The following RBFOX1 variants were observed in gnomAD, a reference collection of about 807,000 sequenced individuals.
RBFOX1 encodes RNA binding protein fox-1 homolog 1.
A neutral mutation model predicts 57.7 loss-of-function variants in RBFOX1; 8 were observed. The ratio of observed to expected loss-of-function variants is 0.14; its 90% CI spans 0.08 to 0.25. The LOEUF (loss-of-function observed/expected upper bound fraction) is 0.25, where lower values mean the gene tolerates loss of function less well. RBFOX1 is among the 10% of genes least tolerant of loss of function. RBFOX1 has a pLI of 1.00. For missense variants in RBFOX1, 611 were observed against 548.5 expected, an observed-to-expected ratio of 1.11 and a Z score of -1.14; for synonymous variants, 326 against 222.4, an observed-to-expected ratio of 1.47 and a Z score of -4.15.
chr16:5,901,933 C>G (rs548571559), intron 4 of RBFOX1, among the ~76,000 whole-genome samples: 27 of 152,288 alleles, frequency 1.8e-4, no homozygotes, highest in African/African-American at 6.5e-4. Flanking sequence ...TGGTTCTCCA[C>G]CTAGAAGCGA....
At chr16:6,106,579 G>C (rs1358244141) in intron 1 of RBFOX1, among the ~76,000 whole-genome samples, 1 of 151,978 alleles carries the variant, frequency 6.6e-6, no homozygotes, top group East Asian at 1.9e-4. Flanking sequence ...CTTTCGTTCA[G>C]AAAGACTTTA....
intron 3 of RBFOX1, among the ~76,000 whole-genome samples, chr16:5,774,897 G>A (rs1458446141): frequency 6.6e-6 from 1 of 152,060 alleles, no homozygotes; most frequent in Non-Finnish European, 1.5e-5. Flanking sequence ...TGGCCAGGCT[G>A]GTCTCGAACT....
intron 3 of RBFOX1, among the ~76,000 whole-genome samples, chr16:6,762,363 AC>A (rs539775372): frequency 1.6e-4 from 24 of 152,288 alleles, no homozygotes; most frequent in African/African-American, 5.5e-4. Context: ...ATTTTTAGCA[AC>A]CCTTACTAGT....
chr16:6,303,430 C>G (rs1036177523), intron 1 of RBFOX1, among the ~76,000 whole-genome samples: 1 of 151,712 alleles, frequency 6.6e-6, no homozygotes, highest in East Asian at 1.9e-4. Context: ...TAGCAGCTAG[C>G]TAGTTTCTTT....
chr16:5,924,466 A>T (rs1020057690), intron 4 of RBFOX1, among the ~76,000 whole-genome samples: 1 of 152,044 alleles, frequency 6.6e-6, no homozygotes, highest in African/African-American at 2.4e-5. Context: ...TGAATTCTCT[A>T]TTCATTCCTT....
intron 2 of RBFOX1, among the ~76,000 whole-genome samples, chr16:5,530,072 A>G (rs2044404904): frequency 1.3e-5 from 2 of 152,174 alleles, no homozygotes; most frequent in South Asian, 4.1e-4. Flanking sequence ...GAGCTGTGAG[A>G]CAATAAATCA....
chr16:5,919,878 C>G (rs145657344), intron 4 of RBFOX1, among the ~76,000 whole-genome samples: 1 of 152,290 alleles, frequency 6.6e-6, no homozygotes, highest in Non-Finnish European at 1.5e-5. Context: ...GACCCTTTCT[C>G]TCTGCCTTTT....
At chr16:7,484,121 G>C (rs543030997) in intron 4 of RBFOX1, among the ~76,000 whole-genome samples, 1 of 152,032 alleles carries the variant, frequency 6.6e-6, no homozygotes, top group Non-Finnish European at 1.5e-5. Flanking sequence ...CTTTCCCTGA[G>C]CATAAAGTTT....
At chr16:7,552,918 G>C (rs2087028476) in intron 5 of RBFOX1, among the ~76,000 whole-genome samples, 1 of 151,918 alleles carries the variant, frequency 6.6e-6, no homozygotes, top group Non-Finnish European at 1.5e-5. Flanking sequence ...GCCGACCTCA[G>C]GTGATCTGCC....
chr16:7,191,160 C>G (rs1029136612), intron 4 of RBFOX1, among the ~76,000 whole-genome samples: 1 of 152,114 alleles, frequency 6.6e-6, no homozygotes, highest in Non-Finnish European at 1.5e-5. Flanking sequence ...AGTTAGTGCT[C>G]TCTTCCAAAG....
At chr16:7,363,128 C>A (rs1417998911) in intron 4 of RBFOX1, among the ~76,000 whole-genome samples, 1 of 152,118 alleles carries the variant, frequency 6.6e-6, no homozygotes, top group African/African-American at 2.4e-5. Flanking sequence ...GCTGTGACTG[C>A]TGGGGCTGTT....
At chr16:7,207,162 T>C (rs1398389732) in intron 4 of RBFOX1, among the ~76,000 whole-genome samples, 1 of 152,232 alleles carries the variant, frequency 6.6e-6, no homozygotes, top group Non-Finnish European at 1.5e-5. Context: ...AGGTGTACGC[T>C]GTATTTTCTT....
chr16:6,052,709 G>A (rs575568033), intron 1 of RBFOX1, among the ~76,000 whole-genome samples: 8 of 151,804 alleles, frequency 5.3e-5, no homozygotes, highest in Non-Finnish European at 8.8e-5. Context: ...GCGTGAACCC[G>A]GGAGGCGGAG....
intron 4 of RBFOX1, among the ~76,000 whole-genome samples, chr16:7,216,707 A>G (rs1029439121): frequency 1.3e-5 from 2 of 152,194 alleles, no homozygotes; most frequent in Admixed American, 1.3e-4. Context: ...CAATGAGTGT[A>G]GCACAGCACA....
chr16:7,361,144 C>G (rs1225853874), intron 4 of RBFOX1, among the ~76,000 whole-genome samples: 2 of 152,316 alleles, frequency 1.3e-5, no homozygotes, highest in African/African-American at 4.8e-5. Context: ...CTCCACCTGC[C>G]AGCCCTCTTT....
chr16:6,605,410 T>C (rs2097912644), intron 2 of RBFOX1, among the ~76,000 whole-genome samples: 1 of 152,114 alleles, frequency 6.6e-6, no homozygotes, highest in African/African-American at 2.4e-5. Flanking sequence ...TATGATATTA[T>C]CAAGCACAGA....
chr16:5,454,949 TC>T (rs1567535793), intron 1 of RBFOX1, among the ~76,000 whole-genome samples: 3 of 54,288 alleles, frequency 5.5e-5, no homozygotes, highest in African/African-American at 1.9e-4. Flanking sequence ...CTTCCTTCCT[TC>T]CTTCCTTCCT....
chr16:5,667,723 A>G (rs2049891901), intron 3 of RBFOX1, among the ~76,000 whole-genome samples: 1 of 152,216 alleles, frequency 6.6e-6, no homozygotes, highest in Admixed American at 6.5e-5. Flanking sequence ...AACTATTAGA[A>G]TTAGTTTTTC....
intron 4 of RBFOX1, among the ~76,000 whole-genome samples, chr16:5,884,362 C>G (rs765056888): frequency 3.9e-4 from 59 of 152,196 alleles, no homozygotes; most frequent in African/African-American, 1.4e-3. Context: ...GCTTCCCAGA[C>G]TAATTTCAGC....
Sources: gnomAD v4.1 joint callset for allele counts (sites outside exome capture counted in the v4.1 genomes callset) on GRCh38, gnomAD v4.1.1 for gene constraint, MANE v1.5 for transcripts, NCBI Gene and HGNC (gene_info 2026-07-23, HGNC 2026-07-21) for gene names.